CAB39L: variants seen among roughly 807,000 people sequenced by gnomAD.
The protein encoded by CAB39L is calcium binding protein 39 like.
Under a neutral mutation model 39.1 loss-of-function variants are expected in CAB39L, and 23 were observed. The observed-to-expected ratio is 0.59, with a 90% confidence interval of 0.42 to 0.83. The LOEUF (loss-of-function observed/expected upper bound fraction) is 0.83, where lower values mean the gene tolerates loss of function less well. CAB39L is among the 40% of genes least tolerant of loss of function. The pLI is 0.00. For synonymous variants in CAB39L, 126 were observed against 137.2 expected (o/e 0.92, Z 0.57); for missense variants, 366 against 391.9 (o/e 0.93, Z 0.56).
intron 9 of CAB39L, among the ~76,000 whole-genome samples, chr13:49,338,519 T>A (rs9562876): frequency 3.0e-5 from 3 of 100,666 alleles, no homozygotes; most frequent in Admixed American, 1.1e-4. Flanking sequence ...GGGGAGGGGG[T>A]AGGGATAGCA....
chr13:49,340,907 AC>A (rs1237683531), intron 8 of CAB39L, among the ~76,000 whole-genome samples: 3 of 152,212 alleles, frequency 2.0e-5, no homozygotes, highest in African/African-American at 7.2e-5. Flanking sequence ...CTGTGAAATT[AC>A]TAAATTACAC....
chr13:49,346,120 T>TATATATATA (rs10663110), intron 7 of CAB39L, among the ~76,000 whole-genome samples: 13 of 88,466 alleles, frequency 1.5e-4, no homozygotes, highest in South Asian at 3.7e-4. Flanking sequence ...TATATATATA[T>TATATATATA]ATATCATGGA....
intron 4 of CAB39L, chr13:49,382,408 T>C (rs1956268569): frequency 6.5e-6 from 1 of 153,690 alleles, no homozygotes; most frequent in Non-Finnish European, 1.4e-5. Context: ...ATAACTAGCA[T>C]TCCTATGAGG....
At chr13:49,392,086 T>G (rs979124558) in intron 3 of CAB39L, among the ~76,000 whole-genome samples, 1 of 151,476 alleles carries the variant, frequency 6.6e-6, no homozygotes, top group Non-Finnish European at 1.5e-5. Context: ...ATATAAGAAA[T>G]GCAGAGTTCA....
chr13:49,330,080 T>C (rs1230006723), intron 10 of CAB39L, among the ~76,000 whole-genome samples: 2 of 152,178 alleles, frequency 1.3e-5, no homozygotes, highest in African/African-American at 4.8e-5. Flanking sequence ...AACCCAGCCA[T>C]CGTTGAGACG....
intron 3 of CAB39L, among the ~76,000 whole-genome samples, chr13:49,429,579 C>A (rs1387243602): frequency 1.3e-5 from 2 of 152,082 alleles, no homozygotes; most frequent in Non-Finnish European, 2.9e-5. Context: ...CTGACTGGGT[C>A]AAAACATACA....
At chr13:49,441,673 C>G (rs1957527380) in intron 1 of CAB39L, among the ~76,000 whole-genome samples, 1 of 152,116 alleles carries the variant, frequency 6.6e-6, no homozygotes, top group Non-Finnish European at 1.5e-5. Flanking sequence ...TTGGCCATTA[C>G]AAATAAAATC....
chr13:49,436,553 C>T (rs1200009665), intron 1 of CAB39L, among the ~76,000 whole-genome samples: 3 of 73,428 alleles, frequency 4.1e-5, no homozygotes. Flanking sequence ...TTCTTTATGA[C>T]TTTTTTTTTT....
chr13:49,438,689 T>C (rs971026569), intron 1 of CAB39L, among the ~76,000 whole-genome samples: 1 of 152,224 alleles, frequency 6.6e-6, no homozygotes, highest in African/African-American at 2.4e-5. Flanking sequence ...CTCTTTTTAT[T>C]TCCCCCATCA....
At chr13:49,324,215 G>A (rs1297533264) in intron 10 of CAB39L, among the ~76,000 whole-genome samples, 2 of 152,062 alleles carry the variant, frequency 1.3e-5, no homozygotes, top group Admixed American at 1.3e-4. Flanking sequence ...TACTTGGGAG[G>A]CTGAGGCAGA....
intron 3 of CAB39L, among the ~76,000 whole-genome samples, chr13:49,397,009 A>G (rs1956652286): frequency 6.6e-6 from 1 of 152,204 alleles, no homozygotes; most frequent in South Asian, 2.1e-4. Context: ...CTCCCCCAAA[A>G]AACATAATTT....
intron 7 of CAB39L, among the ~76,000 whole-genome samples, chr13:49,346,077 T>TATATATATATATATATATCTAG (rs1566079160): frequency 1.1e-4 from 3 of 27,950 alleles, no homozygotes; most frequent in African/African-American, 4.9e-4. Flanking sequence ...ATATGCTAGA[T>TATATATATATATATATATCTAG]ATATATATAT....
intron 5 of CAB39L, among the ~76,000 whole-genome samples, chr13:49,365,569 G>T (rs541504509): frequency 2.0e-5 from 3 of 152,196 alleles, no homozygotes; most frequent in Non-Finnish European, 4.4e-5. Flanking sequence ...GATTATCAGA[G>T]AAATGCAAAT....
chr13:49,393,624 T>C (rs1004960950), intron 3 of CAB39L, among the ~76,000 whole-genome samples: 1 of 151,944 alleles, frequency 6.6e-6, no homozygotes, highest in Non-Finnish European at 1.5e-5. Context: ...CATTTCTTTT[T>C]TCTGAAATAA....
At position 49,377,016 on chromosome 13, in the gene CAB39L, C is replaced by A; in HGVS notation, c.227G>T (p.Ser76Ile). 1 of 1,613,866 alleles carries A rather than the reference C, an allele frequency of 6.2e-7. No homozygotes were observed. The change falls in exon 5 of 11, where the codon AGT becomes ATT. Residue 76 changes from serine to isoleucine, a missense_variant. Physicochemically the swap from Ser to Ile is moderately radical, Grantham distance 142. Coordinates refer to ENST00000409308, the MANE Select transcript of CAB39L (RefSeq NM_001079670.3). ...AGCTATCAGTGTCACTAGCAGGCCACTGCTGTAGAGTTCTTGTGCTAGCTG... is the reference window on the plus strand; with the variant it reads ...AGCTATCAGTGTCACTAGCAGGCCAATGCTGTAGAGTTCTTGTGCTAGCTG... ...VAQLAQELYS[S>I]GLLVTLIADL...
At chr13:49,346,093 TATGCTAG>T (rs1372430720) in intron 7 of CAB39L, among the ~76,000 whole-genome samples, 16 of 67,586 alleles carry the variant, frequency 2.4e-4, no homozygotes, top group Middle Eastern at 5.7e-3. Flanking sequence ...TATATATATA[TATGCTAG>T]ATATATATAT....
intron 8 of CAB39L, among the ~76,000 whole-genome samples, chr13:49,340,261 G>T (rs1282754296): frequency 3.3e-5 from 5 of 152,214 alleles, no homozygotes; most frequent in African/African-American, 9.6e-5. Context: ...GGTGCACGAA[G>T]TCTTCTTTCC....
At chr13:49,353,767 T>C (rs957232479) in intron 6 of CAB39L, among the ~76,000 whole-genome samples, 1 of 152,132 alleles carries the variant, frequency 6.6e-6, no homozygotes, top group Admixed American at 6.5e-5. Flanking sequence ...ATCAATTTAA[T>C]TGTTGGGGAT....
chr13:49,423,580 A>T (rs963137472), intron 3 of CAB39L, among the ~76,000 whole-genome samples: 45 of 152,276 alleles, frequency 3.0e-4, no homozygotes, highest in East Asian at 7.7e-4. Context: ...ATCATTTTTT[A>T]AAAAAAGAGT....
Sources: allele counts gnomAD v4.1 joint callset (sites outside exome capture counted in the v4.1 genomes callset), GRCh38; gene constraint gnomAD v4.1.1; transcripts MANE v1.5; gene names NCBI Gene and HGNC (gene_info 2026-07-23, HGNC 2026-07-21).